DNER: variants seen among roughly 807,000 people sequenced by gnomAD.
DNER encodes delta and Notch-like epidermal growth factor-related receptor.
Under a neutral mutation model 78.2 loss-of-function variants are expected in DNER, and 33 were observed. That is an observed-to-expected ratio of 0.42 (90% CI 0.32 to 0.56). DNER has a LOEUF of 0.56. Ranked by LOEUF, DNER falls within the 20% of genes least tolerant of loss-of-function variation. The pLI, the probability that DNER is intolerant of heterozygous loss-of-function variation, is 0.11. For missense variants in DNER, 918 were observed against 975.3 expected, an observed-to-expected ratio of 0.94 and a Z score of 0.78; for synonymous variants, 417 against 384.8, an observed-to-expected ratio of 1.08 and a Z score of -0.98.
chr2:229,451,405 C>T (rs1055106243), intron 7 of DNER, among the ~76,000 whole-genome samples: 2 of 152,080 alleles, frequency 1.3e-5, no homozygotes, highest in African/African-American at 2.4e-5. Context: ...TGCAGTGAGC[C>T]GAGATAGTGC....
At chr2:229,432,192 T>C (rs1312279253) in intron 8 of DNER, among the ~76,000 whole-genome samples, 1 of 152,202 alleles carries the variant, frequency 6.6e-6, no homozygotes, top group Non-Finnish European at 1.5e-5. Context: ...AATAATCCCA[T>C]ACCCTCAATT....
intron 5 of DNER, among the ~76,000 whole-genome samples, chr2:229,545,628 A>C (rs1696613615): frequency 6.6e-6 from 1 of 152,192 alleles, no homozygotes; most frequent in African/African-American, 2.4e-5. Context: ...GACCTCAGTG[A>C]CTGCTGTGGT....
intron 11 of DNER, among the ~76,000 whole-genome samples, chr2:229,374,823 T>C (rs1214299597): frequency 6.6e-6 from 1 of 152,140 alleles, no homozygotes; most frequent in Non-Finnish European, 1.5e-5. Flanking sequence ...TTTCAGAGTT[T>C]GTACACTTAT....
At chr2:229,527,947 G>A in intron 5 of DNER, among the ~76,000 whole-genome samples, 1 of 152,188 alleles carries the variant, frequency 6.6e-6, no homozygotes, top group East Asian at 1.9e-4. Context: ...TGGCTAAAAA[G>A]TGAGGCAAAG....
intron 5 of DNER, among the ~76,000 whole-genome samples, chr2:229,517,009 G>A (rs1695991371): frequency 6.6e-6 from 1 of 150,474 alleles, no homozygotes; most frequent in Non-Finnish European, 1.5e-5. Flanking sequence ...TACTCAGGAG[G>A]CTGAGGCAGG....
Position 229,407,272 on chromosome 2 carries a change from G to A in DNER, c.1683C>T (p.Asp561=), listed in dbSNP as rs143193374. The A allele has an allele frequency of 6.2e-6, 10 of 1,613,624 alleles. No homozygotes were observed. Among genetic ancestry groups the A allele is most frequent in the South Asian group, 2.2e-5 (2 of 91,074 alleles). ...CACAGATGCACGTGCCATTCAGGCC[G>A]TCGCTGTCACAGGTGGCTCCGTTCA... is the stretch of plus-strand genomic sequence containing the variant. ...SCLNGATCDS[D]GLNGTCICAP... The change falls in exon 10 of 13, where the codon GAC becomes GAT. Residue 561 remains aspartate (D), a synonymous_variant. Transcript: ENST00000341772.
intron 1 of DNER, among the ~76,000 whole-genome samples, chr2:229,605,827 G>A (rs1183325639): frequency 1.3e-5 from 2 of 152,110 alleles, no homozygotes; most frequent in African/African-American, 4.8e-5. Context: ...AGGAGGCGGA[G>A]GTTGCAGTGA....
intron 10 of DNER, among the ~76,000 whole-genome samples, chr2:229,403,373 G>T (rs1199311278): frequency 6.6e-6 from 1 of 152,186 alleles, no homozygotes; most frequent in Non-Finnish European, 1.5e-5. Flanking sequence ...AGATTTGAAA[G>T]ATAAATTTAC....
At chr2:229,489,676 C>T (rs1695355639) in intron 6 of DNER, among the ~76,000 whole-genome samples, 1 of 151,796 alleles carries the variant, frequency 6.6e-6, no homozygotes, top group Non-Finnish European at 1.5e-5. Context: ...TCAGAAGGAG[C>T]CATTGCTACC....
rs543956306 is a variant in DNER, at chr2:229,493,187, G to A, written c.1148-15934C>T. Reference sequence around the variant, plus strand: ...GAACACGCGCAACAACATTCCCGTTGCCTCGGAAATAACGAGTTTTTAAAA... The same window carrying A: ...GAACACGCGCAACAACATTCCCGTTACCTCGGAAATAACGAGTTTTTAAAA... On this transcript the variant is annotated intron_variant, in intron 6 of 12. Coordinates refer to ENST00000341772, the MANE Select transcript of DNER (RefSeq NM_139072.4). Among the ~76,000 whole-genome samples, 9 of 152,290 alleles carry A rather than the reference G, an allele frequency of 5.9e-5. No homozygotes were observed. The East Asian group carries it at 1.4e-3, about 23-fold the overall frequency.
intron 1 of DNER, among the ~76,000 whole-genome samples, chr2:229,631,565 A>G (rs1698434288): frequency 6.6e-6 from 1 of 152,208 alleles, no homozygotes; most frequent in Non-Finnish European, 1.5e-5. Flanking sequence ...ACTCCTGCAT[A>G]CTGAGCATTA....
intron 8 of DNER, among the ~76,000 whole-genome samples, chr2:229,422,611 TAGA>T (rs1056382309): frequency 5.3e-5 from 8 of 152,058 alleles, no homozygotes; most frequent in Admixed American, 3.9e-4. Flanking sequence ...AAAACAGGCT[TAGA>T]AGAAGACCAG....
chr2:229,424,424 G>T (rs1693831358), intron 8 of DNER, among the ~76,000 whole-genome samples: 1 of 152,026 alleles, frequency 6.6e-6, no homozygotes, highest in South Asian at 2.1e-4. Flanking sequence ...AGTTTATTAG[G>T]GCTCCCATGA....
intron 4 of DNER, among the ~76,000 whole-genome samples, chr2:229,548,606 T>C (rs1340124417): frequency 6.7e-6 from 1 of 150,374 alleles, no homozygotes; most frequent in Non-Finnish European, 1.5e-5. Flanking sequence ...CGGGGGTGAG[T>C]AGGGGAGGGA....
At chr2:229,625,936 T>G (rs1459808059) in intron 1 of DNER, among the ~76,000 whole-genome samples, 2 of 151,946 alleles carry the variant, frequency 1.3e-5, no homozygotes, top group African/African-American at 4.8e-5. Context: ...TGTTTTTTTT[T>G]TGAGATGGAG....
At chr2:229,675,175 T>C (rs1425319516) in intron 1 of DNER, among the ~76,000 whole-genome samples, 2 of 152,132 alleles carry the variant, frequency 1.3e-5, no homozygotes, top group African/African-American at 4.8e-5. Context: ...GACAGAAGCC[T>C]CCAAAGACAC....
chr2:229,711,422 C>T (rs1163403655), intron 1 of DNER, among the ~76,000 whole-genome samples: 1 of 152,132 alleles, frequency 6.6e-6, no homozygotes, highest in Admixed American at 6.5e-5. Context: ...ACCCACACGA[C>T]CTACAATTCC....
chr2:229,588,542 T>C (rs1697543875), intron 2 of DNER, 54 bp from the exon 3 acceptor site: 1 of 1,518,812 alleles, frequency 6.6e-7, no homozygotes, highest in Admixed American at 1.8e-5. Context: ...TAGTATAACA[T>C]AATGTGATAA....
intron 10 of DNER, among the ~76,000 whole-genome samples, chr2:229,393,441 A>T (rs867888410): frequency 1.6e-4 from 24 of 152,144 alleles, no homozygotes; most frequent in African/African-American, 5.1e-4. Context: ...AAATAAAAAT[A>T]AAAATAAAAA....
Sources: allele counts gnomAD v4.1 joint callset (sites outside exome capture counted in the v4.1 genomes callset), GRCh38; gene constraint gnomAD v4.1.1; transcripts MANE v1.5; gene names NCBI Gene and HGNC (gene_info 2026-07-23, HGNC 2026-07-21).